Variants in PTPRM observed in about 807,000 individuals in gnomAD.
PTPRM encodes receptor-type tyrosine-protein phosphatase mu.
Under a neutral mutation model 186.7 loss-of-function variants are expected in PTPRM, and 47 were observed. That is an observed-to-expected ratio of 0.25 (90% confidence interval 0.20 to 0.32). PTPRM has a LOEUF of 0.32. Ranked by LOEUF, PTPRM falls within the 10% of genes least tolerant of loss-of-function variation. PTPRM has a pLI of 1.00. For missense variants in PTPRM, 1,494 were observed against 1,865.0 expected, an observed-to-expected ratio of 0.80 and a Z score of 3.66; for synonymous variants, 668 against 674.9, an observed-to-expected ratio of 0.99 and a Z score of 0.16.
intron 7 of PTPRM, among the ~76,000 whole-genome samples, chr18:8,042,426 C>T (rs190752037): frequency 1.3e-3 from 199 of 152,192 alleles, no homozygotes; most frequent in Non-Finnish European, 2.4e-3. Flanking sequence ...CTCTTAATAT[C>T]TTATTACTGT....
chr18:7,743,731 T>C (rs566931683), intron 1 of PTPRM, among the ~76,000 whole-genome samples: 30 of 152,342 alleles, frequency 2.0e-4, no homozygotes, highest in African/African-American at 5.8e-4. Context: ...TGTAATTATT[T>C]CTTACATATG....
At chr18:7,649,852 CA>C (rs34755268) in intron 1 of PTPRM, among the ~76,000 whole-genome samples, 46,488 of 151,908 alleles carry the variant, frequency 0.31, 11,319 homozygotes, top group African/African-American at 0.67. Flanking sequence ...CCTTCCACCA[CA>C]AAAAAAATTA....
intron 7 of PTPRM, among the ~76,000 whole-genome samples, chr18:7,969,505 C>T (rs996979460): frequency 6.7e-6 from 1 of 149,222 alleles, no homozygotes. Flanking sequence ...TTCAAAAAAT[C>T]AATGAATCCA....
chr18:8,262,637 A>C lies in PTPRM; in HGVS notation c.2754+9223A>C, dbSNP rs377142626. On this transcript the variant is annotated intron_variant, in intron 19 of 32. Coordinates refer to ENST00000580170, the MANE Select transcript of PTPRM (RefSeq NM_001105244.2). ...TGCCCCCCAAGCTGTCCCTGATCCC[A>C]ACCAGAAACAACCATTCCCCCTACA... is the stretch of plus-strand genomic sequence containing the variant. Among the ~76,000 whole-genome samples, 24 of 152,302 alleles carry C rather than the reference A, an allele frequency of 1.6e-4. No individual in the cohort carries two copies. In the South Asian group the frequency reaches 4.6e-3, roughly 29 times the overall value.
At chr18:8,334,479 C>T (rs2095428044) in intron 22 of PTPRM, among the ~76,000 whole-genome samples, 1 of 152,190 alleles carries the variant, frequency 6.6e-6, no homozygotes, top group Admixed American at 6.5e-5. Flanking sequence ...GACCTTCCTG[C>T]CCCCAGGCTC....
rs539847964 is a variant in PTPRM, at chr18:7,712,737, A to G, written c.74-61412A>G. Among the ~76,000 whole-genome samples the G allele has an allele frequency of 2.8e-4, 43 of 152,076 alleles. 1 individual carries two copies. In the South Asian group the frequency reaches 8.7e-3, roughly 31 times the overall value. ...TCGTGAAGCATACACAAGTATCAAT[A>G]GCCAAATCAATCAAGCGGAAGAACG... On this transcript the variant is annotated intron_variant, in intron 1 of 32. Coordinates refer to ENST00000580170, the MANE Select transcript of PTPRM (RefSeq NM_001105244.2).
intron 14 of PTPRM, among the ~76,000 whole-genome samples, chr18:8,199,254 A>G (rs1225986564): frequency 6.6e-6 from 1 of 152,192 alleles, no homozygotes; most frequent in Non-Finnish European, 1.5e-5. Context: ...AGCTGAGGAA[A>G]CTGAAGTGTG....
chr18:7,706,732 A>G (rs2040103011), intron 1 of PTPRM, among the ~76,000 whole-genome samples: 1 of 152,004 alleles, frequency 6.6e-6, no homozygotes, highest in African/African-American at 2.4e-5. Flanking sequence ...CACAATGAAA[A>G]GTATACCTTG....
chr18:7,616,717 G>A (rs2037814514), intron 1 of PTPRM, among the ~76,000 whole-genome samples: 1 of 152,188 alleles, frequency 6.6e-6, no homozygotes, highest in African/African-American at 2.4e-5. Context: ...AGAAGCTGCA[G>A]CCAGTTTGTG....
At chr18:7,913,646 C>G (rs57987373) in intron 4 of PTPRM, among the ~76,000 whole-genome samples, 14,850 of 152,144 alleles carry the variant, frequency 0.098, 811 homozygotes, top group East Asian at 0.13. Flanking sequence ...AACAACCTAG[C>G]AGTCCTGGAA....
At chr18:8,402,614 A>C (rs2095878141) in intron 32 of PTPRM, among the ~76,000 whole-genome samples, 1 of 151,372 alleles carries the variant, frequency 6.6e-6, no homozygotes, top group Non-Finnish European at 1.5e-5. Context: ...GTAGATTTCC[A>C]TTACAGAAAG....
At chr18:8,306,638 C>T (rs2095225133) in intron 20 of PTPRM, among the ~76,000 whole-genome samples, 2 of 152,230 alleles carry the variant, frequency 1.3e-5, no homozygotes, top group Admixed American at 1.3e-4. Flanking sequence ...TTGAATTCTA[C>T]AGATCTTATG....
At chr18:7,689,528 G>C (rs1011006096) in intron 1 of PTPRM, among the ~76,000 whole-genome samples, 7 of 152,224 alleles carry the variant, frequency 4.6e-5, no homozygotes, top group Non-Finnish European at 1.0e-4. Flanking sequence ...ATCTACGCTA[G>C]GGTTACAGTT....
chr18:8,387,757 C>T (rs368564978), intron 31 of PTPRM, among the ~76,000 whole-genome samples: 3 of 79,982 alleles, frequency 3.8e-5, no homozygotes, highest in South Asian at 3.6e-4. Flanking sequence ...TGCGTGTGTG[C>T]GTGTGTGTGC....
intron 19 of PTPRM, among the ~76,000 whole-genome samples, chr18:8,282,209 A>G (rs1442560519): frequency 6.6e-6 from 1 of 152,218 alleles, no homozygotes; most frequent in East Asian, 1.9e-4. Context: ...CATGAAAATT[A>G]TGACCATGAT....
intron 23 of PTPRM, among the ~76,000 whole-genome samples, chr18:8,350,942 C>A (rs921300373): frequency 6.6e-6 from 1 of 152,142 alleles, no homozygotes; most frequent in African/African-American, 2.4e-5. Flanking sequence ...GCCTGCAGAG[C>A]CTCTAGTCGC....
At position 8,325,650 on chromosome 18, in the gene PTPRM, G is replaced by A. The variant is rs1004158565; in HGVS notation, c.2956+6436G>A. Among the ~76,000 whole-genome samples, 9 of 152,222 alleles carry A rather than the reference G, an allele frequency of 5.9e-5. No homozygotes were observed. The East Asian group carries it at 1.2e-3, about 20-fold the overall frequency. On this transcript the variant is annotated intron_variant, in intron 22 of 32. Transcript: ENST00000580170. ...ACATGTATGTATGTATCTGAATCAC[G>A]CATGAATCATATAGAATGATTTATT...
rs191765065 is a variant in PTPRM at position 8,170,515 on chromosome 18, T to A, written c.2300+26736T>A. Among the ~76,000 whole-genome samples the A allele has an allele frequency of 1.7e-3, 260 of 148,714 alleles. 1 individual carries two copies. The highest frequency in any genetic ancestry group is 3.0e-3 in the Non-Finnish European group (204 of 67,262). The stretch of plus-strand genomic sequence containing the variant: ...AGGGTTAAAAAAAAAAAAAAAAGCA[T>A]CCCTAAATTATATATAGGTAGTCTT... On this transcript the variant is annotated intron_variant, in intron 14 of 32. Coordinates refer to ENST00000580170, the MANE Select transcript of PTPRM (RefSeq NM_001105244.2).
chr18:7,628,187 C>T (rs1286442742), intron 1 of PTPRM, among the ~76,000 whole-genome samples: 1 of 152,140 alleles, frequency 6.6e-6, no homozygotes, highest in Non-Finnish European at 1.5e-5. Flanking sequence ...CGCACACACA[C>T]ACAGGATATG....
Sources: gnomAD v4.1 joint callset for allele counts (sites outside exome capture counted in the v4.1 genomes callset) on GRCh38, gnomAD v4.1.1 for gene constraint, MANE v1.5 for transcripts, NCBI Gene and HGNC (gene_info 2026-07-23, HGNC 2026-07-21) for gene names.